Variants in TDRD9 observed in about 807,000 individuals in gnomAD.
The protein encoded by TDRD9 is ATP-dependent RNA helicase TDRD9.
TDRD9 carries 124 observed loss-of-function variants against 172.6 expected under a neutral mutation model. The observed-to-expected ratio is 0.72, with a 90% confidence interval of 0.62 to 0.83. The LOEUF is 0.83. TDRD9 is among the 40% of genes least tolerant of loss of function. The pLI is 0.00. For synonymous variants in TDRD9, 619 were observed against 617.1 expected (o/e 1.00, Z -0.05); for missense variants, 1,479 against 1,714.1 (o/e 0.86, Z 2.42).
At chr14:103,994,648 T>C in intron 11 of TDRD9, 45 bp downstream of exon 11, 1 of 1,516,584 alleles carries the variant, frequency 6.6e-7, no homozygotes, top group Non-Finnish European at 9.1e-7. Flanking sequence ...TAGGTAAATT[T>C]TCCTTAGAGA....
chr14:104,042,349 G>A lies in TDRD9; in HGVS notation c.3974+162G>A, dbSNP rs551332842. 3.9e-5 allele frequency among the ~76,000 whole-genome samples: 6 copies of A among 152,282 alleles called. No homozygotes were observed. In the East Asian group the frequency reaches 1.2e-3, roughly 29 times the overall value. On this transcript the variant is annotated intron_variant, in intron 34 of 35. Coordinates refer to ENST00000409874, the MANE Select transcript of TDRD9 (RefSeq NM_153046.3). Reference sequence around the variant, plus strand: ...CTGGGAGGCATCAGAATGTAGGCACGCCCTTCCTGTGGAGAGCAGCACCCT... The same window carrying A: ...CTGGGAGGCATCAGAATGTAGGCACACCCTTCCTGTGGAGAGCAGCACCCT...
At chr14:103,991,344 T>A (rs1173459660) in intron 9 of TDRD9, 120 bp downstream of exon 9, 1 of 1,011,228 alleles carries the variant, frequency 9.9e-7, no homozygotes. Flanking sequence ...TTTTACACTT[T>A]GAGTATGTGA....
At position 104,006,374 on chromosome 14, in the gene TDRD9, T is replaced by C. The variant is rs758099865; in HGVS notation, c.1714-15T>C. The C allele has an allele frequency of 1.9e-6, 3 of 1,609,474 alleles. No individual in the cohort carries two copies. In the African/African-American group the frequency reaches 4.0e-5, roughly 22 times the overall value. On this transcript the variant is annotated splice_polypyrimidine_tract_variant and intron_variant, in intron 15 of 35. Transcript: ENST00000409874. ...AGTCAGTGCTTGATAATAACACTAA[T>C]TTTATTTTATAAAGGTTGGAGCACT...
At chr14:104,005,168 T>G in intron 14 of TDRD9, 106 bp from the exon 15 acceptor site, 1 of 1,177,302 alleles carries the variant, frequency 8.5e-7, no homozygotes, top group Admixed American at 2.1e-5. Flanking sequence ...CTTTCTTCTC[T>G]CCTCTCCTTC....
At chr14:103,972,135 C>T (rs544197094) in intron 6 of TDRD9, among the ~76,000 whole-genome samples, 1 of 152,206 alleles carries the variant, frequency 6.6e-6, no homozygotes, top group East Asian at 1.9e-4. Context: ...GCCTGGGTAA[C>T]AGATGAGACC....
intron 1 of TDRD9, among the ~76,000 whole-genome samples, chr14:103,949,544 T>G: frequency 6.6e-6 from 1 of 152,258 alleles, no homozygotes; most frequent in Non-Finnish European, 1.5e-5. Flanking sequence ...TTCTTACTGC[T>G]TCTGGTTATG....
In TDRD9 at chr14:104,042,124, G is replaced by A. The variant is rs779679642; in HGVS notation, c.3911G>A (p.Cys1304Tyr). 6.2e-6 allele frequency: 10 copies of A among 1,613,734 alleles called. No homozygotes were observed. Among genetic ancestry groups the A allele is most frequent in the South Asian group, 1.1e-5 (1 of 91,078 alleles). The stretch of plus-strand genomic sequence containing the variant: ...CTAGTCTGTGATGGACCAAATGGAT[G>A]CAAGTGTCTTGGGCCAGAGAGAGTT... ...NKLVCDGPNG[C>Y]KCLGPERVAQ... is the part of the protein sequence containing the mutation. Residue 1304 changes from cysteine (C) to tyrosine (Y), a missense_variant, in exon 34 of 36, where the codon TGC (cysteine) becomes TAC (tyrosine). Around this residue, in one of 3 missense-constraint regions of TDRD9, gnomAD observed 1,413 missense variants for 1,649.1 expected, o/e 0.86. Coordinates refer to ENST00000409874, the MANE Select transcript of TDRD9 (RefSeq NM_153046.3).
rs531774714 is a variant in TDRD9, at chr14:103,998,687, G to A, written c.1442G>A (p.Arg481Gln). Residue 481 changes from arginine to glutamine, a missense_variant, in exon 13 of 36, where the codon CGA becomes CAA. Physicochemically the swap from Arg to Gln is conservative, Grantham distance 43 (BLOSUM62 1). Around this residue, in one of 3 missense-constraint regions of TDRD9, gnomAD observed 1,413 missense variants for 1,649.1 expected, o/e 0.86. Transcript: ENST00000409874. ...CDEDTNYQSL[R>Q]LSWASKTSCN... ...GAAGATACAAATTATCAGAGTCTGCGATTGAGTTGGGCTTCTAAAACCAGC... is the reference window on the plus strand; with the variant it reads ...GAAGATACAAATTATCAGAGTCTGCAATTGAGTTGGGCTTCTAAAACCAGC... 5 of 1,611,054 alleles carry A rather than the reference G, an allele frequency of 3.1e-6. No homozygotes were observed. The highest frequency in any genetic ancestry group is 2.2e-5 in the South Asian group (2 of 90,986).
chr14:104,026,974 G>T, intron 28 of TDRD9, 35 bp downstream of exon 28: 1 of 1,603,212 alleles, frequency 6.2e-7, no homozygotes, highest in Non-Finnish European at 8.5e-7. Flanking sequence ...GCACGCGTTT[G>T]TGTGAGAGAG....
intron 30 of TDRD9, 106 bp downstream of exon 30, chr14:104,032,193 ATCTTTTCTTTTCTTT>A (rs139771860): frequency 2.8e-5 from 17 of 612,702 alleles, no homozygotes; most frequent in African/African-American, 2.4e-4. Flanking sequence ...GGAATGTGTT[ATCTTTTCTTTTCTTT>A]TCTTTTCTTT....
intron 32 of TDRD9, among the ~76,000 whole-genome samples, chr14:104,035,451 A>G (rs989443842): frequency 1.3e-5 from 2 of 152,218 alleles, no homozygotes; most frequent in African/African-American, 4.8e-5. Context: ...TCTTGTGGTA[A>G]CCATGACATC....
At chr14:103,955,908 AAC>A (rs1161595803) in intron 2 of TDRD9, 138 bp downstream of exon 2, 2 of 641,480 alleles carry the variant, frequency 3.1e-6, no homozygotes. Context: ...CCAGGAATTT[AAC>A]ACTAGCCTGG....
chr14:104,048,681 G>A (rs1195173841), intron 34 of TDRD9, among the ~76,000 whole-genome samples: 5 of 152,154 alleles, frequency 3.3e-5, no homozygotes, highest in Non-Finnish European at 7.3e-5. Flanking sequence ...AGTCAGGGAT[G>A]TGTGGAGGGC....
intron 1 of TDRD9, among the ~76,000 whole-genome samples, chr14:103,948,168 C>T (rs187230243): frequency 6.6e-6 from 1 of 151,950 alleles, no homozygotes; most frequent in East Asian, 1.9e-4. Flanking sequence ...TGTGCAGCAG[C>T]GTGCCTGCTA....
intron 1 of TDRD9, among the ~76,000 whole-genome samples, chr14:103,945,727 A>C (rs1362460691): frequency 1.3e-5 from 2 of 152,046 alleles, no homozygotes; most frequent in African/African-American, 4.8e-5. Context: ...ATAAGACTTA[A>C]AATGAAATAG....
intron 13 of TDRD9, among the ~76,000 whole-genome samples, chr14:104,000,542 C>T (rs1296079403): frequency 3.3e-5 from 5 of 151,948 alleles, no homozygotes; most frequent in East Asian, 3.9e-4. Flanking sequence ...CCCAGCACTT[C>T]GGGAGGCTGA....
chr14:104,031,407 A>T lies in TDRD9; in HGVS notation c.3438+144A>T, dbSNP rs149692656. 1.3e-4 allele frequency: 89 copies of T among 685,864 alleles called. No homozygotes were observed. In the African/African-American group the frequency reaches 1.4e-3, roughly 10 times the overall value. 42.5% of individuals were successfully genotyped at this position (685,864 alleles called of 1,614,324 possible). On this transcript the variant is annotated intron_variant, in intron 29 of 35. Coordinates refer to ENST00000409874, the MANE Select transcript of TDRD9 (RefSeq NM_153046.3). ...CTTTTCTCACAATTGATCCTCTTAT[A>T]ATAATAAGAAAAAACCCTGGGGTTT...
Position 104,005,423 on chromosome 14 carries a change from T to TTAG in TDRD9, c.1713+21_1713+23dup. 2 of 1,613,756 alleles carry TTAG rather than the reference T, an allele frequency of 1.2e-6. No homozygotes were observed. Among genetic ancestry groups the TTAG allele is most frequent in the Non-Finnish European group, 1.7e-6 (2 of 1,179,742 alleles). On this transcript the variant is annotated intron_variant, in intron 15 of 35. Coordinates refer to ENST00000409874, the MANE Select transcript of TDRD9 (RefSeq NM_153046.3). Reference sequence around the variant, plus strand: ...TAAAGGAGGTAGGACTGCCTGCTGGTTAGTACTGTTGGCATCTGTAGAGCT... The same window carrying TTAG: ...TAAAGGAGGTAGGACTGCCTGCTGGTTAGTAGTACTGTTGGCATCTGTAGAGCT...
chr14:104,033,031 C>T (rs1053356867), intron 30 of TDRD9, among the ~76,000 whole-genome samples: 51 of 134,454 alleles, frequency 3.8e-4, no homozygotes, highest in African/African-American at 9.0e-4. Context: ...ACGTGTAACT[C>T]GAGTAAGTTT....
Sources: allele counts gnomAD v4.1 joint callset (sites outside exome capture counted in the v4.1 genomes callset), GRCh38; gene constraint gnomAD v4.1.1; regional missense constraint gnomAD v4.1.1; transcripts MANE v1.5; gene names NCBI Gene and HGNC (gene_info 2026-07-23, HGNC 2026-07-21).